GOLIM4: variants seen among roughly 807,000 people sequenced by gnomAD.
GOLIM4 encodes golgi integral membrane protein 4, also known as 130 kDa golgi-localized phosphoprotein.
Under a neutral mutation model 107.4 loss-of-function variants are expected in GOLIM4, and 71 were observed. That is an observed-to-expected ratio of 0.66 (90% CI 0.55 to 0.81). The LOEUF (loss-of-function observed/expected upper bound fraction) is 0.81, where lower values mean the gene tolerates loss of function less well. GOLIM4 is among the 30% of genes least tolerant of loss of function. GOLIM4 has a pLI of 0.00. For synonymous variants in GOLIM4, 327 were observed against 294.8 expected (o/e 1.11, Z -1.12); for missense variants, 830 against 826.1 (o/e 1.00, Z -0.06).
chr3:168,074,408 A>G (rs1393873149), intron 1 of GOLIM4, among the ~76,000 whole-genome samples: 1 of 152,198 alleles, frequency 6.6e-6, no homozygotes, highest in Admixed American at 6.5e-5. Flanking sequence ...AGAGGCCTGA[A>G]TAAAGAGGAA....
intron 1 of GOLIM4, among the ~76,000 whole-genome samples, chr3:168,076,759 T>C (rs1560106122): frequency 6.6e-6 from 1 of 152,192 alleles, no homozygotes; most frequent in Non-Finnish European, 1.5e-5. Flanking sequence ...AAAATCAACA[T>C]ATTAAATGTC....
chr3:168,081,063 G>T (rs1721337748), intron 1 of GOLIM4, among the ~76,000 whole-genome samples: 1 of 152,190 alleles, frequency 6.6e-6, no homozygotes, highest in Non-Finnish European at 1.5e-5. Flanking sequence ...CCAGGTAGCA[G>T]CCTGTGGTGA....
intron 1 of GOLIM4, among the ~76,000 whole-genome samples, chr3:168,083,388 A>T (rs1223775633): frequency 1.3e-5 from 2 of 152,218 alleles, no homozygotes; most frequent in Non-Finnish European, 2.9e-5. Context: ...AACAGTTCGC[A>T]TATTATCAAT....
At chr3:168,035,000 C>T (rs527986390) in intron 8 of GOLIM4, among the ~76,000 whole-genome samples, 1 of 145,244 alleles carries the variant, frequency 6.9e-6, no homozygotes, top group Non-Finnish European at 1.5e-5. Context: ...AGCATGAAAA[C>T]GGACTAACAC....
At position 168,095,908 on chromosome 3, in the gene GOLIM4, A is replaced by G. The variant is rs1221086296; in HGVS notation, c.-623T>C. On this transcript the variant is annotated 5_prime_UTR_variant, in exon 1 of 16. Transcript: ENST00000470487. ...CCACCTCCTGCCCAACTTACGTGTC[A>G]CCCACGGCCCGGCTATTCTGGCCAA... 1 of 152,218 alleles carries G rather than the reference A, an allele frequency of 6.6e-6. No individual in the cohort carries two copies. Among genetic ancestry groups the G allele is most frequent in the Non-Finnish European group, 1.5e-5 (1 of 68,132 alleles). 9.4% of individuals were successfully genotyped at this position (152,218 alleles called of 1,614,324 possible).
At chr3:168,085,302 A>G (rs531915762) in intron 1 of GOLIM4, among the ~76,000 whole-genome samples, 36 of 152,364 alleles carry the variant, frequency 2.4e-4, no homozygotes, top group African/African-American at 7.2e-4. Context: ...GTGATATCTC[A>G]GAGTACTATT....
intron 10 of GOLIM4, 138 bp from the exon 11 acceptor site, chr3:168,029,440 C>T: frequency 1.7e-6 from 1 of 572,338 alleles, no homozygotes; most frequent in Non-Finnish European, 3.0e-6. Flanking sequence ...TTTTTAAAAA[C>T]CTCTTATGTA....
chr3:168,065,200 CTGTGATTTTAA>C (rs1248310210), intron 1 of GOLIM4, among the ~76,000 whole-genome samples: 1 of 152,086 alleles, frequency 6.6e-6, no homozygotes, highest in Non-Finnish European at 1.5e-5. Flanking sequence ...TGTTAAAATT[CTGTGATTTTAA>C]ATATTCATGT....
rs767814907 is a variant in GOLIM4 at position 168,040,892 on chromosome 3, T to C, written c.601-23A>G. 18 of 1,486,414 alleles carry C rather than the reference T, an allele frequency of 1.2e-5. No homozygotes were observed. In the South Asian group the frequency reaches 1.6e-4, roughly 13 times the overall value. The allele number at this position is 1,486,414 out of a possible 1,614,324, so 92.1% of individuals were successfully genotyped here. The stretch of plus-strand genomic sequence containing the variant: ...TTGCTACACAAAAAAGAATTTTACA[T>C]GTTGAGCTTTAACATTCTACGACAA... On this transcript the variant is annotated intron_variant, in intron 6 of 15. Coordinates refer to ENST00000470487, the MANE Select transcript of GOLIM4 (RefSeq NM_014498.5).
At chr3:168,018,899 T>G (rs952891002) in intron 14 of GOLIM4, among the ~76,000 whole-genome samples, 1 of 152,102 alleles carries the variant, frequency 6.6e-6, no homozygotes, top group Non-Finnish European at 1.5e-5. Context: ...AGCAAACTTT[T>G]TGTGTGAAGG....
In GOLIM4 at chr3:168,043,545, C is replaced by G. The variant is rs751054475; in HGVS notation, c.367-16G>C. The G allele has an allele frequency of 3.1e-6, 5 of 1,588,490 alleles. No individual in the cohort carries two copies. Among genetic ancestry groups the G allele is most frequent in the Non-Finnish European group, 3.4e-6 (4 of 1,171,548 alleles). ...CGTGTTGGCTCTGCAAAGATGAAAA[C>G]TTGAGTAGAAATATACATTCTCTGA... On this transcript the variant is annotated splice_polypyrimidine_tract_variant and intron_variant, in intron 4 of 15. Coordinates refer to ENST00000470487, the MANE Select transcript of GOLIM4 (RefSeq NM_014498.5).
At chr3:168,087,094 G>C (rs767290114) in intron 1 of GOLIM4, among the ~76,000 whole-genome samples, 1 of 152,070 alleles carries the variant, frequency 6.6e-6, no homozygotes, top group Non-Finnish European at 1.5e-5. Flanking sequence ...CCCCTCAGGC[G>C]AGTTCTTACT....
intron 1 of GOLIM4, among the ~76,000 whole-genome samples, chr3:168,072,495 G>C (rs1720883732): frequency 6.6e-6 from 1 of 151,718 alleles, no homozygotes; most frequent in South Asian, 2.1e-4. Flanking sequence ...ATATTGAACA[G>C]AGGCAAAAAG....
chr3:168,038,687 T>C (rs1449485628), intron 7 of GOLIM4, among the ~76,000 whole-genome samples: 1 of 152,244 alleles, frequency 6.6e-6, no homozygotes, highest in Non-Finnish European at 1.5e-5. Flanking sequence ...CAGAATCTCC[T>C]AAGATGATTT....
intron 1 of GOLIM4, among the ~76,000 whole-genome samples, chr3:168,073,832 G>A (rs1720947841): frequency 6.6e-6 from 1 of 152,176 alleles, no homozygotes; most frequent in Admixed American, 6.5e-5. Context: ...GATCTCCAGG[G>A]ATGGCAGGGC....
At chr3:168,033,606 C>CAAAAAAAAAAAAAAAAAA (rs61728774) in intron 8 of GOLIM4, among the ~76,000 whole-genome samples, 1 of 31,316 alleles carries the variant, frequency 3.2e-5, no homozygotes, top group African/African-American at 9.1e-5. Flanking sequence ...GACTCCGTCT[C>CAAAAAAAAAAAAAAAAAA]AAAAAAAAAA....
At chr3:168,037,451 T>TACAC (rs10628217) in intron 7 of GOLIM4, among the ~76,000 whole-genome samples, 6,358 of 149,592 alleles carry the variant, frequency 0.043, 387 homozygotes, top group African/African-American at 0.14. Context: ...TAAATACACA[T>TACAC]ACACACACAC....
intron 1 of GOLIM4, among the ~76,000 whole-genome samples, chr3:168,071,089 T>C (rs905628639): frequency 2.0e-5 from 3 of 152,122 alleles, no homozygotes; most frequent in African/African-American, 7.2e-5. Context: ...GGAGGGAGGA[T>C]ATCAGTGGCA....
In GOLIM4 at chr3:168,069,803, T is replaced by C. The variant is rs1720746485; in HGVS notation, c.188-21438A>G. 2.6e-5 allele frequency among the ~76,000 whole-genome samples: 4 copies of C among 152,240 alleles called. No homozygotes were observed. The South Asian group carries it at 8.3e-4, about 31-fold the overall frequency. On this transcript the variant is annotated intron_variant, in intron 1 of 15. Transcript: ENST00000470487. ...AAAAATATCTTGTAATATGCTAAAC[T>C]AAATTTCCTTAAAGGAAATCTTAAA... is the stretch of plus-strand genomic sequence containing the variant.
Sources: allele counts gnomAD v4.1 joint callset (sites outside exome capture counted in the v4.1 genomes callset), GRCh38; gene constraint gnomAD v4.1.1; transcripts MANE v1.5; gene names NCBI Gene and HGNC (gene_info 2026-07-23, HGNC 2026-07-21).